Variants in SUGCT observed in about 807,000 individuals in gnomAD.
SUGCT encodes the protein succinyl-CoA:glutarate CoA-transferase.
In SUGCT, 41 loss-of-function variants were observed where a neutral mutation model predicts 55.0. The ratio of observed to expected loss-of-function variants is 0.74; its 90% confidence interval spans 0.58 to 0.97. SUGCT has a LOEUF of 0.97. Among genes scored for constraint, SUGCT ranks in the 50% least tolerant of loss-of-function variants. The probability of loss-of-function intolerance (pLI) is 0.00; values close to 1 mark genes in which losing one functional copy is unlikely to be tolerated. For missense variants in SUGCT, 568 were observed against 547.8 expected, an observed-to-expected ratio of 1.04 and a Z score of -0.37; for synonymous variants, 187 against 200.4, an observed-to-expected ratio of 0.93 and a Z score of 0.56.
the SUGCT span, among the ~76,000 whole-genome samples, chr7:40,906,826 A>C: frequency 6.6e-6 from 1 of 152,356 alleles, no homozygotes; most frequent in African/African-American, 2.4e-5. Flanking sequence ...AAGTAGAATA[A>C]GCACATTGAT....
At chr7:40,179,905 G>A (rs1340084157) in intron 1 of SUGCT, among the ~76,000 whole-genome samples, 1 of 152,226 alleles carries the variant, frequency 6.6e-6, no homozygotes, top group Non-Finnish European at 1.5e-5. Context: ...CGTGGGAGGA[G>A]AATGTATGAG....
the SUGCT span, among the ~76,000 whole-genome samples, chr7:40,891,153 C>T: frequency 6.6e-6 from 1 of 152,034 alleles, no homozygotes; most frequent in Admixed American, 6.6e-5. Context: ...GTCTATGGAA[C>T]TTACGACACA....
chr7:40,138,546 T>G (rs1315533559), intron 1 of SUGCT, among the ~76,000 whole-genome samples: 1 of 152,218 alleles, frequency 6.6e-6, no homozygotes, highest in Non-Finnish European at 1.5e-5. Flanking sequence ...GGTAGTTCTA[T>G]TTTTAGTTCT....
chr7:40,489,419 GC>G (rs1791561374), intron 11 of SUGCT, among the ~76,000 whole-genome samples: 1 of 152,066 alleles, frequency 6.6e-6, no homozygotes, highest in Non-Finnish European at 1.5e-5. Flanking sequence ...GGTGGCTCAC[GC>G]CTTTAATCCC....
intron 9 of SUGCT, among the ~76,000 whole-genome samples, chr7:40,422,156 A>C (rs1457980870): frequency 2.6e-5 from 4 of 151,530 alleles, no homozygotes; most frequent in Non-Finnish European, 5.9e-5. Context: ...ATCAGTCTTA[A>C]ATTTGTAATA....
chr7:40,163,987 A>T, intron 1 of SUGCT, among the ~76,000 whole-genome samples: 1 of 151,928 alleles, frequency 6.6e-6, no homozygotes, highest in East Asian at 1.9e-4. Context: ...ACACCCAGTT[A>T]ATTTTTGTAT....
chr7:40,612,634 C>T (rs1349473543), intron 12 of SUGCT, among the ~76,000 whole-genome samples: 2 of 152,192 alleles, frequency 1.3e-5, no homozygotes, highest in East Asian at 3.9e-4. Flanking sequence ...TTTACCTCAA[C>T]TCTCTGTGCC....
chr7:40,629,378 G>A (rs1196001364), intron 12 of SUGCT, among the ~76,000 whole-genome samples: 1 of 152,182 alleles, frequency 6.6e-6, no homozygotes, highest in Non-Finnish European at 1.5e-5. Context: ...TTGTCAGAGG[G>A]TCAGGGGAGA....
At chr7:40,864,029 CA>C (rs1794537605), downstream of SUGCT, among the ~76,000 whole-genome samples, 1 of 152,108 alleles carries the variant, frequency 6.6e-6, no homozygotes, top group Non-Finnish European at 1.5e-5. Context: ...GCATGAAGTA[CA>C]ATTGCGTTTC....
intron 12 of SUGCT, among the ~76,000 whole-genome samples, chr7:40,509,724 G>A (rs974849080): frequency 1.1e-4 from 16 of 151,876 alleles, no homozygotes; most frequent in African/African-American, 3.9e-4. Flanking sequence ...CAGACCAGGG[G>A]ATACAGGAGT....
intron 13 of SUGCT, among the ~76,000 whole-genome samples, chr7:40,804,676 G>C (rs17621117): frequency 0.085 from 12,968 of 152,208 alleles, 657 homozygotes; most frequent in Middle Eastern, 0.17. Flanking sequence ...GGTACTCAGA[G>C]ACAAAGTCCT....
At chr7:40,151,681 C>T in intron 1 of SUGCT, 1 of 211,286 alleles carries the variant, frequency 4.7e-6, no homozygotes. Context: ...CAGAGGTCTG[C>T]ACAAGTGACA....
intron 1 of SUGCT, among the ~76,000 whole-genome samples, chr7:40,164,679 TC>T (rs1319437688): frequency 1.3e-5 from 2 of 152,210 alleles, no homozygotes; most frequent in African/African-American, 2.4e-5. Flanking sequence ...AAAATTATCA[TC>T]TCGATGTGAT....
At chr7:40,302,222 C>T (rs1794579932) in intron 8 of SUGCT, among the ~76,000 whole-genome samples, 1 of 152,126 alleles carries the variant, frequency 6.6e-6, no homozygotes, top group African/African-American at 2.4e-5. Flanking sequence ...CCTTCTAACA[C>T]TCTCCTCCTT....
At chr7:40,935,067 C>T in the SUGCT span, among the ~76,000 whole-genome samples, 1 of 152,126 alleles carries the variant, frequency 6.6e-6, no homozygotes, top group African/African-American at 2.4e-5. Flanking sequence ...GGACCCAAAA[C>T]TCTAATTTTA....
At chr7:40,668,364 A>G (rs1379065044) in intron 12 of SUGCT, among the ~76,000 whole-genome samples, 2 of 152,164 alleles carry the variant, frequency 1.3e-5, no homozygotes, top group African/African-American at 4.8e-5. Flanking sequence ...CTTCTAATTT[A>G]TATATGAATA....
chr7:40,371,180 C>T (rs1224680780), intron 9 of SUGCT, among the ~76,000 whole-genome samples: 1 of 152,164 alleles, frequency 6.6e-6, no homozygotes, highest in African/African-American at 2.4e-5. Flanking sequence ...CTCACTTTCT[C>T]TCTTTTTTCT....
At chr7:40,610,533 G>GA (rs1050351424) in intron 12 of SUGCT, among the ~76,000 whole-genome samples, 1 of 152,090 alleles carries the variant, frequency 6.6e-6, no homozygotes, top group African/African-American at 2.4e-5. Context: ...ACATAAGTCA[G>GA]AAAAAAATTC....
intron 9 of SUGCT, among the ~76,000 whole-genome samples, chr7:40,424,289 G>T (rs139104682): frequency 6.6e-6 from 1 of 152,260 alleles, no homozygotes; most frequent in Non-Finnish European, 1.5e-5. Flanking sequence ...AAAAGTATTG[G>T]AGTATGTCAG....
Sources: allele counts gnomAD v4.1 joint callset (sites outside exome capture counted in the v4.1 genomes callset), GRCh38; gene constraint gnomAD v4.1.1; transcripts MANE v1.5; gene names NCBI Gene and HGNC (gene_info 2026-07-23, HGNC 2026-07-21).